The following TTC33 variants were observed in gnomAD, a reference collection of about 807,000 sequenced individuals.
TTC33 encodes the protein tetratricopeptide repeat protein 33.
TTC33 carries 24 observed loss-of-function variants against 29.4 expected under a neutral mutation model. That is an observed-to-expected ratio of 0.82 (90% CI 0.59 to 1.15). The LOEUF (loss-of-function observed/expected upper bound fraction) is 1.15. Ranked by LOEUF, TTC33 falls within the 50% of genes most tolerant of loss-of-function variation. The probability of loss-of-function intolerance (pLI) is 0.00; values close to 1 mark genes in which losing one functional copy is unlikely to be tolerated. For synonymous variants in TTC33, 107 were observed against 100.3 expected (o/e 1.07, Z -0.40); for missense variants, 286 against 310.4 (o/e 0.92, Z 0.59).
intron 1 of TTC33, among the ~76,000 whole-genome samples, chr5:40,752,613 A>G (rs969054411): frequency 6.6e-6 from 1 of 152,216 alleles, no homozygotes; most frequent in Non-Finnish European, 1.5e-5. Flanking sequence ...ACACACATTT[A>G]TTGATTAAGT....
At chr5:40,741,162 G>T (rs1742686139) in intron 2 of TTC33, among the ~76,000 whole-genome samples, 1 of 152,180 alleles carries the variant, frequency 6.6e-6, no homozygotes, top group East Asian at 1.9e-4. Flanking sequence ...ATGTTACACT[G>T]TTGACTAAAA....
At chr5:40,722,831 C>G (rs1198000484) in intron 4 of TTC33, among the ~76,000 whole-genome samples, 1 of 151,092 alleles carries the variant, frequency 6.6e-6, no homozygotes, top group South Asian at 2.1e-4. Flanking sequence ...GCGCAGCCCC[C>G]ACCCGGCCAG....
intron 4 of TTC33, among the ~76,000 whole-genome samples, chr5:40,720,935 GTTTT>G (rs1742117582): frequency 1.3e-5 from 2 of 152,200 alleles, no homozygotes; most frequent in African/African-American, 2.4e-5. Flanking sequence ...TGTCTTGCCT[GTTTT>G]TTGGACCACT....
chr5:40,743,916 T>A (rs1742745356), intron 2 of TTC33, among the ~76,000 whole-genome samples: 1 of 152,232 alleles, frequency 6.6e-6, no homozygotes, highest in African/African-American at 2.4e-5. Flanking sequence ...TTTAGTGAAA[T>A]GACTCAATGT....
Position 40,712,976 on chromosome 5 carries a change from T to A in TTC33, c.*3169A>T, listed in dbSNP as rs1741926603. On this transcript the variant is annotated 3_prime_UTR_variant, in exon 5 of 5. Transcript: ENST00000337702. ...GACTTTAGGGATAACCTCCTTTATT[T>A]CATTTTATTTCTGTTTTATAATTTA... 6.6e-6 allele frequency among the ~76,000 whole-genome samples: 1 copy of A among 152,168 alleles called. No individual in the cohort carries two copies. Among genetic ancestry groups the A allele is most frequent in the Non-Finnish European group, 1.5e-5 (1 of 68,022 alleles).
In TTC33 at chr5:40,712,426, G is replaced by A. The variant is rs1056994368; in HGVS notation, c.*3719C>T. Among the ~76,000 whole-genome samples the A allele has an allele frequency of 1.1e-4, 16 of 152,134 alleles. No individual in the cohort carries two copies. The highest frequency in any genetic ancestry group is 3.9e-4 in the African/African-American group (16 of 41,442). The stretch of plus-strand genomic sequence containing the variant: ...CTCTCCTGACCTCTGAACCACTTGA[G>A]ACACAGACAGATGGAGATTCAATAT... On this transcript the variant is annotated 3_prime_UTR_variant, in exon 5 of 5. Transcript: ENST00000337702.
chr5:40,728,604 C>A, intron 3 of TTC33, 128 bp from the exon 4 acceptor site: 1 of 813,464 alleles, frequency 1.2e-6, no homozygotes, highest in Non-Finnish European at 1.8e-6. Flanking sequence ...TGATTTTTAC[C>A]CCTTACTCTG....
chr5:40,741,509 C>T (rs568062205), intron 2 of TTC33, among the ~76,000 whole-genome samples: 2 of 152,324 alleles, frequency 1.3e-5, no homozygotes, highest in South Asian at 2.1e-4. Flanking sequence ...CTCAAAGGGA[C>T]CTCATAGACT....
intron 2 of TTC33, among the ~76,000 whole-genome samples, chr5:40,736,374 A>G (rs1357788269): frequency 2.0e-5 from 3 of 152,222 alleles, no homozygotes; most frequent in Non-Finnish European, 4.4e-5. Context: ...TTCCTAGACA[A>G]GAACAAAATG....
intron 2 of TTC33, among the ~76,000 whole-genome samples, chr5:40,745,966 A>C (rs1181550626): frequency 1.3e-5 from 2 of 152,114 alleles, no homozygotes; most frequent in African/African-American, 4.8e-5. Flanking sequence ...TCCACCATAG[A>C]TTAGAGATAC....
chr5:40,734,909 T>A (rs1322338656), intron 2 of TTC33, among the ~76,000 whole-genome samples: 1 of 152,142 alleles, frequency 6.6e-6, no homozygotes, highest in Non-Finnish European at 1.5e-5. Context: ...AGGAATGTGA[T>A]AGGGAGTGAC....
At chr5:40,732,029 T>C (rs115307373) in intron 2 of TTC33, among the ~76,000 whole-genome samples, 3 of 152,370 alleles carry the variant, frequency 2.0e-5, no homozygotes, top group Middle Eastern at 3.4e-3. Context: ...TTTGCTTTTT[T>C]AAAAATTATT....
intron 4 of TTC33, among the ~76,000 whole-genome samples, chr5:40,726,204 C>G (rs1742283432): frequency 7.2e-6 from 1 of 138,108 alleles, no homozygotes; most frequent in African/African-American, 2.9e-5. Context: ...ATACCATATA[C>G]ATACATATTT....
chr5:40,712,836 AC>A lies in TTC33; in HGVS notation c.*3308del, dbSNP rs1741923743. On this transcript the variant is annotated 3_prime_UTR_variant, in exon 5 of 5. Coordinates refer to ENST00000337702, the MANE Select transcript of TTC33 (RefSeq NM_012382.3). ...CATCCTTACCCGCCGCTGCCTTCTG[AC>A]CAAAGTAGTTCATATATAGTGCACA... Among the ~76,000 whole-genome samples, 1 of 152,162 alleles carries A rather than the reference AC, an allele frequency of 6.6e-6. No individual in the cohort carries two copies. The highest frequency in any genetic ancestry group is 1.5e-5 in the Non-Finnish European group (1 of 68,026).
chr5:40,732,107 G>A (rs1742444091), intron 2 of TTC33, among the ~76,000 whole-genome samples: 2 of 152,140 alleles, frequency 1.3e-5, no homozygotes, highest in Non-Finnish European at 1.5e-5. Flanking sequence ...GAACTCTTGG[G>A]CTCAAGGGCC....
At chr5:40,739,537 T>C (rs151089639) in intron 2 of TTC33, among the ~76,000 whole-genome samples, 14 of 152,180 alleles carry the variant, frequency 9.2e-5, no homozygotes, top group Non-Finnish European at 1.9e-4. Flanking sequence ...TCTTGCAAGA[T>C]CTGGTTGCAT....
intron 4 of TTC33, 46 bp from the exon 5 acceptor site, chr5:40,716,544 T>A: frequency 1.6e-6 from 2 of 1,248,502 alleles, no homozygotes; most frequent in Non-Finnish European, 2.3e-6. Flanking sequence ...TAAAAATTAG[T>A]ATGTTTAATA....
At chr5:40,732,937 G>T (rs1008156622) in intron 2 of TTC33, among the ~76,000 whole-genome samples, 3 of 151,960 alleles carry the variant, frequency 2.0e-5, no homozygotes, top group Non-Finnish European at 2.9e-5. Flanking sequence ...TACCTCATTT[G>T]TCCTACCTTC....
rs1245971547 is a variant in TTC33 at position 40,711,905 on chromosome 5, G to A, written c.*4240C>T. On this transcript the variant is annotated 3_prime_UTR_variant, in exon 5 of 5. Coordinates refer to ENST00000337702, the MANE Select transcript of TTC33 (RefSeq NM_012382.3). ...AGCAGAAAAGTAGTTGACTAGGGAT[G>A]GCTGTTCAGGTGGAGGGGAACCAAC... Among the ~76,000 whole-genome samples, 2 of 152,116 alleles carry A rather than the reference G, an allele frequency of 1.3e-5. No individual in the cohort carries two copies. The highest frequency in any genetic ancestry group is 4.8e-5 in the African/African-American group (2 of 41,430).
Sources: allele counts gnomAD v4.1 joint callset (sites outside exome capture counted in the v4.1 genomes callset), GRCh38; gene constraint gnomAD v4.1.1; transcripts MANE v1.5; gene names NCBI Gene and HGNC (gene_info 2026-07-23, HGNC 2026-07-21).